The following ADAMTS18 variants were observed in gnomAD, a reference collection of about 807,000 sequenced individuals.
ADAMTS18 encodes ADAM metallopeptidase with thrombospondin type 1 motif 18.
Under a neutral mutation model 165.9 loss-of-function variants are expected in ADAMTS18, and 157 were observed. The ratio of observed to expected loss-of-function variants is 0.95; its 90% CI spans 0.83 to 1.08. The LOEUF is 1.08. ADAMTS18 is among the 50% of genes least tolerant of loss of function. The probability of loss-of-function intolerance (pLI) is 0.00; values close to 1 mark genes in which losing one functional copy is unlikely to be tolerated. For missense variants in ADAMTS18, 2,040 were observed against 1,534.0 expected, an observed-to-expected ratio of 1.33 and a Z score of -5.51; for synonymous variants, 782 against 578.2, an observed-to-expected ratio of 1.35 and a Z score of -5.06.
At chr16:77,389,762 T>C (rs1418701300) in intron 3 of ADAMTS18, among the ~76,000 whole-genome samples, 1 of 152,184 alleles carries the variant, frequency 6.6e-6, no homozygotes, top group African/African-American at 2.4e-5. Flanking sequence ...GAACTCCATG[T>C]GAGGGAGCAG....
In ADAMTS18 at chr16:77,282,906, CTTTTTTTTT is replaced by C. The variant is rs1555507097; in HGVS notation, c.*1041_*1049del. 2.6e-5 allele frequency: 2 copies of C among 77,582 alleles called. No individual in the cohort carries two copies. Among genetic ancestry groups the C allele is most frequent in the Admixed American group, 1.5e-4 (1 of 6,726 alleles). 4.8% of individuals were successfully genotyped at this position (77,582 alleles called of 1,614,324 possible). A position where few individuals can be genotyped will look rare whatever the true frequency, so the allele number is the denominator to read the frequency against. ...CCACTGTTTACTCCTTTCTTTCTCT[CTTTTTTTTT>C]TTTTTTTTTTTGCTGTTAGCTCAAT... On this transcript the variant is annotated 3_prime_UTR_variant, in exon 23 of 23. Coordinates refer to ENST00000282849, the MANE Select transcript of ADAMTS18 (RefSeq NM_199355.4).
At chr16:77,362,054 T>C in intron 7 of ADAMTS18, 51 bp downstream of exon 7, 1 of 1,602,588 alleles carries the variant, frequency 6.2e-7, no homozygotes. Flanking sequence ...AAAGTTTCCA[T>C]ACTGTGTTTT....
intron 3 of ADAMTS18, among the ~76,000 whole-genome samples, chr16:77,386,851 T>C (rs536359015): frequency 1.3e-5 from 2 of 152,100 alleles, no homozygotes; most frequent in African/African-American, 2.4e-5. Flanking sequence ...ATGAGGAAAG[T>C]TGGAATAGAA....
intron 12 of ADAMTS18, among the ~76,000 whole-genome samples, chr16:77,330,075 T>C (rs983578846): frequency 1.3e-5 from 2 of 152,188 alleles, no homozygotes; most frequent in African/African-American, 4.8e-5. Flanking sequence ...ATATGGAAGA[T>C]TCAGAAATCA....
chr16:77,332,559 A>C (rs2056207030), intron 12 of ADAMTS18, among the ~76,000 whole-genome samples: 1 of 152,206 alleles, frequency 6.6e-6, no homozygotes, highest in Admixed American at 6.5e-5. Context: ...TTACAAAGCC[A>C]CAGAGTTTAG....
intron 3 of ADAMTS18, among the ~76,000 whole-genome samples, chr16:77,375,890 C>CTTTT (rs200629744): frequency 2.1e-4 from 20 of 93,894 alleles, no homozygotes; most frequent in African/African-American, 4.4e-4. Flanking sequence ...TCTTTCTTTC[C>CTTTT]TTTTTTTTTT....
intron 16 of ADAMTS18, 58 bp downstream of exon 16, chr16:77,319,791 G>T: frequency 6.2e-7 from 1 of 1,612,460 alleles, no homozygotes; most frequent in East Asian, 2.2e-5. Flanking sequence ...TCAAATTGCA[G>T]TCAACGATAT....
intron 8 of ADAMTS18, among the ~76,000 whole-genome samples, chr16:77,356,859 C>G (rs887169081): frequency 1.3e-5 from 2 of 152,016 alleles, no homozygotes; most frequent in Non-Finnish European, 2.9e-5. Flanking sequence ...AATGTGCATA[C>G]CCACATAGGA....
chr16:77,384,932 C>A, intron 3 of ADAMTS18, among the ~76,000 whole-genome samples: 1 of 146,994 alleles, frequency 6.8e-6, no homozygotes. Flanking sequence ...TTTTCTGAGA[C>A]AGAGTCTTGT....
In ADAMTS18 at chr16:77,338,622, C is replaced by T. The variant is rs192437330; in HGVS notation, c.1711-2718G>A. 2.6e-5 allele frequency among the ~76,000 whole-genome samples: 4 copies of T among 151,898 alleles called. No homozygotes were observed. In the East Asian group the frequency reaches 7.8e-4, roughly 30 times the overall value. ...ATTATCTTTTTATAGACAGCATGTA[C>T]AAACCTTTCTTTCCGTGCACACATA... On this transcript the variant is annotated intron_variant, in intron 11 of 22. Coordinates refer to ENST00000282849, the MANE Select transcript of ADAMTS18 (RefSeq NM_199355.4).
chr16:77,307,955 T>G (rs1484772427), intron 16 of ADAMTS18, among the ~76,000 whole-genome samples: 5 of 152,150 alleles, frequency 3.3e-5, no homozygotes, highest in African/African-American at 9.7e-5. Flanking sequence ...CCCTGTCATC[T>G]CCTTTGGCCA....
intron 3 of ADAMTS18, among the ~76,000 whole-genome samples, chr16:77,376,008 A>G (rs1423426676): frequency 6.9e-6 from 1 of 145,758 alleles, no homozygotes; most frequent in Non-Finnish European, 1.5e-5. Flanking sequence ...GGTTCAAGCG[A>G]TTCTCCTGCC....
At chr16:77,373,603 G>A (rs1242702377) in intron 3 of ADAMTS18, among the ~76,000 whole-genome samples, 1 of 152,090 alleles carries the variant, frequency 6.6e-6, no homozygotes, top group Admixed American at 6.6e-5. Flanking sequence ...TGTACAAATT[G>A]GGTGCGGTGT....
intron 3 of ADAMTS18, among the ~76,000 whole-genome samples, chr16:77,387,848 C>A (rs866806049): frequency 6.6e-6 from 1 of 152,190 alleles, no homozygotes; most frequent in South Asian, 2.1e-4. Flanking sequence ...TATTTTTTAA[C>A]TGATGACTCC....
intron 2 of ADAMTS18, among the ~76,000 whole-genome samples, chr16:77,433,905 CCT>C (rs1373789633): frequency 6.6e-6 from 1 of 151,996 alleles, no homozygotes; most frequent in Non-Finnish European, 1.5e-5. Context: ...CACCTGCTTT[CCT>C]CTCTCTAAAA....
At chr16:77,332,425 GTGAATGCCCAC>G (rs2056204433) in intron 12 of ADAMTS18, among the ~76,000 whole-genome samples, 1 of 152,100 alleles carries the variant, frequency 6.6e-6, no homozygotes, top group South Asian at 2.1e-4. Flanking sequence ...GAACCTTTTG[GTGAATGCCCAC>G]TGAATGTTCC....
intron 22 of ADAMTS18, among the ~76,000 whole-genome samples, chr16:77,285,935 A>G (rs191899911): frequency 6.6e-6 from 1 of 152,034 alleles, no homozygotes; most frequent in Non-Finnish European, 1.5e-5. Flanking sequence ...CACTCCTTTC[A>G]CCTTAACTGC....
At chr16:77,355,886 C>G (rs533949268) in intron 9 of ADAMTS18, 54 bp downstream of exon 9, 6 of 1,611,058 alleles carry the variant, frequency 3.7e-6, no homozygotes, top group East Asian at 2.2e-5. Flanking sequence ...CTATGGAGCA[C>G]AATTCTGTCA....
intron 16 of ADAMTS18, among the ~76,000 whole-genome samples, chr16:77,317,271 C>G (rs1037725222): frequency 1.3e-5 from 2 of 152,106 alleles, no homozygotes; most frequent in African/African-American, 4.8e-5. Flanking sequence ...TACTCTATAC[C>G]CAGTTTACTG....
Sources: gnomAD v4.1 joint callset for allele counts (sites outside exome capture counted in the v4.1 genomes callset) on GRCh38, gnomAD v4.1.1 for gene constraint, MANE v1.5 for transcripts, NCBI Gene and HGNC (gene_info 2026-07-23, HGNC 2026-07-21) for gene names.